The following KCTD20 variants were observed in gnomAD, a reference collection of about 807,000 sequenced individuals.
The protein encoded by KCTD20 is BTB/POZ domain-containing protein KCTD20.
Under a neutral mutation model 39.6 loss-of-function variants are expected in KCTD20, and 30 were observed. That is an observed-to-expected ratio of 0.76 (90% confidence interval 0.57 to 1.03). The LOEUF is 1.03. KCTD20 is among the 50% of genes least tolerant of loss of function. KCTD20 has a pLI of 0.00. For missense variants in KCTD20, 422 were observed against 522.0 expected, an observed-to-expected ratio of 0.81 and a Z score of 1.87; for synonymous variants, 162 against 180.6, an observed-to-expected ratio of 0.90 and a Z score of 0.83.
At chr6:36,474,677 C>A (rs1164249298) in intron 2 of KCTD20, 112 bp from the exon 3 acceptor site, 56 of 1,014,206 alleles carry the variant, frequency 5.5e-5, no homozygotes, top group Non-Finnish European at 6.9e-5. Context: ...CTGTGAACAT[C>A]TAAAATTTGG....
chr6:36,468,823 T>C (rs541886830), intron 1 of KCTD20, among the ~76,000 whole-genome samples: 16 of 152,252 alleles, frequency 1.1e-4, no homozygotes, highest in Non-Finnish European at 2.1e-4. Flanking sequence ...GAGAAAGATT[T>C]CATCAATTGA....
chr6:36,470,689 C>T (rs1229814948), intron 2 of KCTD20, among the ~76,000 whole-genome samples: 1 of 152,130 alleles, frequency 6.6e-6, no homozygotes, highest in Admixed American at 6.5e-5. Context: ...GCAGCTCTGC[C>T]TCCCAGGCTC....
intron 1 of KCTD20, among the ~76,000 whole-genome samples, chr6:36,446,971 C>CT (rs1367413686): frequency 2.0e-5 from 3 of 152,194 alleles, no homozygotes; most frequent in African/African-American, 4.8e-5. Flanking sequence ...GATAAAGACT[C>CT]TAAGACACAA....
At chr6:36,454,607 G>T (rs961614756) in intron 1 of KCTD20, among the ~76,000 whole-genome samples, 19 of 151,370 alleles carry the variant, frequency 1.3e-4, no homozygotes, top group African/African-American at 4.1e-4. Context: ...CTCCCAAAGT[G>T]CTGGGATTAC....
chr6:36,470,247 C>G lies in KCTD20; in HGVS notation c.150C>G (p.Pro50=), dbSNP rs775184653. 4 of 1,610,844 alleles carry G rather than the reference C, an allele frequency of 2.5e-6. No individual in the cohort carries two copies. The East Asian group carries it at 8.9e-5, about 36-fold the overall frequency. The change falls in exon 2 of 8, where the codon CCC becomes CCG. Residue 50 remains proline, a synonymous_variant. Coordinates refer to ENST00000373731, the MANE Select transcript of KCTD20 (RefSeq NM_173562.5). ...GPHNLTYPLG[P]RNEDLSLDYA... ...ATAATCTTACTTATCCTCTAGGTCCCAGGAATGAAGGTACAGTGATTAACT... is the reference window on the plus strand; with the variant it reads ...ATAATCTTACTTATCCTCTAGGTCCGAGGAATGAAGGTACAGTGATTAACT...
At chr6:36,476,525 G>C (rs1337820843) in intron 3 of KCTD20, among the ~76,000 whole-genome samples, 1 of 151,464 alleles carries the variant, frequency 6.6e-6, no homozygotes, top group Non-Finnish European at 1.5e-5. Context: ...CACCTCCCGG[G>C]TTCAAGCAAT....
intron 1 of KCTD20, among the ~76,000 whole-genome samples, chr6:36,454,319 CA>C (rs1211882559): frequency 2.0e-5 from 3 of 151,090 alleles, no homozygotes; most frequent in Non-Finnish European, 4.4e-5. Flanking sequence ...GTATGGCCCA[CA>C]AGACCTAAAA....
intron 2 of KCTD20, among the ~76,000 whole-genome samples, chr6:36,471,194 A>T (rs1488581843): frequency 1.3e-5 from 2 of 152,016 alleles, no homozygotes; most frequent in Non-Finnish European, 2.9e-5. Flanking sequence ...AGGCTAGTAG[A>T]TTAACAAATT....
intron 1 of KCTD20, among the ~76,000 whole-genome samples, chr6:36,453,425 A>G (rs543401095): frequency 1.3e-5 from 2 of 151,408 alleles, no homozygotes; most frequent in East Asian, 1.9e-4. Context: ...CTTTCCTTAT[A>G]TATTCTTTAG....
chr6:36,445,545 C>A (rs1775015772), intron 1 of KCTD20, among the ~76,000 whole-genome samples: 1 of 152,058 alleles, frequency 6.6e-6, no homozygotes, highest in African/African-American at 2.4e-5. Flanking sequence ...ATCTTCCTGC[C>A]CCTCTTTGGC....
At chr6:36,447,219 T>A (rs1318135873) in intron 1 of KCTD20, among the ~76,000 whole-genome samples, 1 of 152,236 alleles carries the variant, frequency 6.6e-6, no homozygotes, top group Admixed American at 6.5e-5. Context: ...AAATAGACAA[T>A]AATAGTACCT....
rs1775801006 is a variant in KCTD20, at chr6:36,467,636, C to T, written c.-46-2416C>T. ...CAGGTGTGAGCCACCGTGCCTGGCT[C>T]TGAAGGATTTCTTGAAAAAAGAAAT... is the stretch of plus-strand genomic sequence containing the variant. On this transcript the variant is annotated intron_variant, in intron 1 of 7. Transcript: ENST00000373731. Among the ~76,000 whole-genome samples the T allele has an allele frequency of 2.0e-5, 3 of 151,806 alleles. No homozygotes were observed. In the South Asian group the frequency reaches 6.2e-4, roughly 32 times the overall value.
intron 3 of KCTD20, among the ~76,000 whole-genome samples, chr6:36,475,600 G>A (rs1776039931): frequency 6.6e-6 from 1 of 151,938 alleles, no homozygotes; most frequent in South Asian, 2.1e-4. Flanking sequence ...CCCCACAAAA[G>A]GAAATAAAAT....
intron 1 of KCTD20, among the ~76,000 whole-genome samples, chr6:36,449,273 C>T (rs777066690): frequency 9.2e-5 from 14 of 151,810 alleles, no homozygotes; most frequent in Non-Finnish European, 1.6e-4. Context: ...TGCGTTTTTA[C>T]GGAGTGCTGA....
At chr6:36,482,220 ATAT>A (rs1200733446) in intron 6 of KCTD20, among the ~76,000 whole-genome samples, 1 of 152,170 alleles carries the variant, frequency 6.6e-6, no homozygotes, top group Non-Finnish European at 1.5e-5. Flanking sequence ...CAAATGTACC[ATAT>A]TATACAACTG....
intron 1 of KCTD20, among the ~76,000 whole-genome samples, chr6:36,444,547 A>G (rs1774980811): frequency 6.6e-6 from 1 of 151,976 alleles, no homozygotes; most frequent in Admixed American, 6.6e-5. Context: ...AGCTCACTCA[A>G]GTCTCCCCAT....
chr6:36,461,305 C>T (rs1775594542), intron 1 of KCTD20, among the ~76,000 whole-genome samples: 1 of 152,072 alleles, frequency 6.6e-6, no homozygotes, highest in South Asian at 2.1e-4. Context: ...TCTACCAGAA[C>T]TTTTTTAAAA....
chr6:36,461,725 A>G (rs1775608270), intron 1 of KCTD20, among the ~76,000 whole-genome samples: 1 of 152,294 alleles, frequency 6.6e-6, no homozygotes, highest in African/African-American at 2.4e-5. Context: ...TCTTTCATCT[A>G]AGTTATATTG....
intron 2 of KCTD20, among the ~76,000 whole-genome samples, chr6:36,471,322 C>T (rs1165233504): frequency 6.6e-6 from 1 of 152,170 alleles, no homozygotes; most frequent in Non-Finnish European, 1.5e-5. Flanking sequence ...ACTTTACATA[C>T]ATTCTTTAGA....
Sources: allele counts gnomAD v4.1 joint callset (sites outside exome capture counted in the v4.1 genomes callset), GRCh38; gene constraint gnomAD v4.1.1; transcripts MANE v1.5; gene names NCBI Gene and HGNC (gene_info 2026-07-23, HGNC 2026-07-21).